The following SH3YL1 variants were observed in gnomAD, a reference collection of about 807,000 sequenced individuals.
SH3YL1 encodes the protein SH3 domain-containing YSC84-like protein 1.
A neutral mutation model predicts 45.8 loss-of-function variants in SH3YL1; 41 were observed. That is an observed-to-expected ratio of 0.89 (90% CI 0.70 to 1.16). The LOEUF is 1.16. Ranked by LOEUF, SH3YL1 falls within the 50% of genes most tolerant of loss-of-function variation. The pLI is 0.00. For synonymous variants in SH3YL1, 152 were observed against 151.4 expected (o/e 1.00, Z -0.03); for missense variants, 389 against 409.6 (o/e 0.95, Z 0.43).
At chr2:242,683 AAAC>A (rs1668592893) in intron 4 of SH3YL1, 1 of 1,320,268 alleles carries the variant, frequency 7.6e-7, no homozygotes, top group African/African-American at 1.5e-5. Flanking sequence ...TGAATGAATT[AAAC>A]AACCAAATAA....
chr2:257,629 C>T (rs1669400391), intron 1 of SH3YL1, among the ~76,000 whole-genome samples: 3 of 152,210 alleles, frequency 2.0e-5, no homozygotes, highest in Admixed American at 2.0e-4. Flanking sequence ...TTTCTGATTT[C>T]TGTACGTCAC....
intron 4 of SH3YL1, chr2:243,559 G>A (rs1377653262): frequency 4.0e-6 from 6 of 1,491,484 alleles, no homozygotes; most frequent in African/African-American, 1.6e-5. Flanking sequence ...AGCTGTAAAT[G>A]TGTCTATTAA....
chr2:241,941 T>G (rs1002065140), intron 4 of SH3YL1: 1 of 152,142 alleles, frequency 6.6e-6, no homozygotes, highest in Admixed American at 6.5e-5. Flanking sequence ...CAAGTGACTC[T>G]AGAGAGTAAT....
intron 3 of SH3YL1, among the ~76,000 whole-genome samples, chr2:248,611 G>C (rs1205934486): frequency 6.6e-6 from 1 of 152,186 alleles, no homozygotes; most frequent in Non-Finnish European, 1.5e-5. Flanking sequence ...CTGGGGCTCT[G>C]AGAGGAGCCC....
At chr2:219,258 A>C (rs1667479625) in intron 9 of SH3YL1, among the ~76,000 whole-genome samples, 1 of 152,208 alleles carries the variant, frequency 6.6e-6, no homozygotes, top group Admixed American at 6.5e-5. Flanking sequence ...AATACAACTT[A>C]CATTTTTTCT....
At chr2:243,290 C>T (rs186307267) in intron 4 of SH3YL1, among the ~76,000 whole-genome samples, 2 of 152,090 alleles carry the variant, frequency 1.3e-5, no homozygotes, top group African/African-American at 4.8e-5. Context: ...ATAAAAGAAG[C>T]CTTAACCCAT....
Position 249,861 on chromosome 2 carries a change from C to T in SH3YL1, c.113-17G>A, listed in dbSNP as rs984953341. ...TTACGTGAGCTGTTAACGTGGAAAA[C>T]AATGGGAAGGTAAGCATTTTGATCT... On this transcript the variant is annotated splice_polypyrimidine_tract_variant and intron_variant, in intron 2 of 9. Transcript: ENST00000356150. The T allele has an allele frequency of 1.3e-6, 2 of 1,511,510 alleles. No individual in the cohort carries two copies. 93.6% of individuals were successfully genotyped at this position (1,511,510 alleles called of 1,614,324 possible). A position where few individuals can be genotyped will look rare whatever the true frequency, so the allele number is the denominator to read the frequency against.
rs56003661 is a variant in SH3YL1 at position 233,570 on chromosome 2, A to T, written c.405-341T>A. On this transcript the variant is annotated intron_variant, in intron 5 of 9. Transcript: ENST00000356150. ...TTCCTCTCTTAAAACTGGGAAATACATCTCAAGAGTGCTAAAGAATTTGGA... is the reference window on the plus strand; with the variant it reads ...TTCCTCTCTTAAAACTGGGAAATACTTCTCAAGAGTGCTAAAGAATTTGGA... Among the ~76,000 whole-genome samples the T allele has an allele frequency of 5.4e-3, 819 of 152,344 alleles. 6 individuals are homozygous for T. Among genetic ancestry groups the T allele is most frequent in the African/African-American group, 0.019 (785 of 41,562 alleles).
rs2103025520 is a variant in SH3YL1, at chr2:231,077, A to G, written c.648T>C (p.Asn216=). 6.2e-7 allele frequency: 1 copy of G among 1,614,062 alleles called. No homozygotes were observed. The highest frequency in any genetic ancestry group is 2.2e-5 in the East Asian group (1 of 44,868). Residue 216 remains asparagine (N), a synonymous_variant, in exon 7 of 10, where the codon AAT becomes AAC. Transcript: ENST00000356150. The part of the protein sequence containing the change: ...ILDSFTEKYE[N]EGQRINARKA... The stretch of plus-strand genomic sequence containing the variant: ...TTCTTGCATTGATTCGTTGTCCTTC[A>G]TTTTCATACTTTTCAGTAAAGGAAT...
At chr2:230,223 G>C (rs1163713263) in intron 7 of SH3YL1, among the ~76,000 whole-genome samples, 179 bp from the exon 8 acceptor site, 3 of 152,180 alleles carry the variant, frequency 2.0e-5, no homozygotes, top group South Asian at 4.1e-4. Context: ...TGGATGACAA[G>C]ACTCAGATGT....
intron 4 of SH3YL1, among the ~76,000 whole-genome samples, chr2:244,019 CTG>C (rs1668664692): frequency 6.6e-6 from 1 of 152,110 alleles, no homozygotes; most frequent in Admixed American, 6.5e-5. Context: ...ACAGGGAACT[CTG>C]TCTTTCGAAT....
chr2:225,702 A>G (rs1157209381), intron 8 of SH3YL1, among the ~76,000 whole-genome samples: 1 of 152,218 alleles, frequency 6.6e-6, no homozygotes, highest in Admixed American at 6.5e-5. Flanking sequence ...GACGAGATAT[A>G]AGACAAACAA....
chr2:233,432 T>C (rs1668144414), intron 5 of SH3YL1, among the ~76,000 whole-genome samples: 1 of 152,212 alleles, frequency 6.6e-6, no homozygotes, highest in African/African-American at 2.4e-5. Context: ...AGAACATACA[T>C]GAAATTATTA....
rs1426656853 is a variant in SH3YL1 at position 230,836 on chromosome 2, TTA to T, written c.702+185_702+186del. The T allele has an allele frequency of 6.7e-6, 4 of 598,390 alleles. No individual in the cohort carries two copies. In the African/African-American group the frequency reaches 7.4e-5, roughly 11 times the overall value. The allele number at this position is 598,390 out of a possible 1,614,324, so 37.1% of individuals were successfully genotyped here. A position where few individuals can be genotyped will look rare whatever the true frequency, so the allele number is the denominator to read the frequency against. On this transcript the variant is annotated intron_variant, in intron 7 of 9. Coordinates refer to ENST00000356150, the MANE Select transcript of SH3YL1 (RefSeq NM_015677.4). ...GAGAAATGCAATCACAGAGGACAAA[TTA>T]TGTTTTTCCCTGAAATCTGTACAGA...
At chr2:256,894 G>A (rs1383230636) in intron 1 of SH3YL1, among the ~76,000 whole-genome samples, 1 of 152,082 alleles carries the variant, frequency 6.6e-6, no homozygotes, top group Non-Finnish European at 1.5e-5. Flanking sequence ...CACTTGCAAT[G>A]TCCAGTTTTT....
chr2:242,819 A>C, intron 4 of SH3YL1: 1 of 1,534,664 alleles, frequency 6.5e-7, no homozygotes, highest in Non-Finnish European at 8.8e-7. Context: ...CAGTAAAAGG[A>C]TGGAGAAAGA....
chr2:236,319 C>T (rs1288638573), intron 4 of SH3YL1, among the ~76,000 whole-genome samples: 1 of 152,096 alleles, frequency 6.6e-6, no homozygotes, highest in East Asian at 1.9e-4. Context: ...AGCTCCGCTT[C>T]TCGAGAGCTG....
At chr2:236,406 C>A (rs913591217) in intron 4 of SH3YL1, among the ~76,000 whole-genome samples, 2 of 152,126 alleles carry the variant, frequency 1.3e-5, no homozygotes, top group Non-Finnish European at 2.9e-5. Context: ...AGGACCTACA[C>A]CTCATGGAAC....
rs1205613079 is a variant in SH3YL1 at position 260,731 on chromosome 2, T to A, written c.1+3253A>T. 3.9e-5 allele frequency: 6 copies of A among 152,260 alleles called. No individual in the cohort carries two copies. The East Asian group carries it at 1.2e-3, about 29-fold the overall frequency. The allele number at this position is 152,260 out of a possible 1,614,324, so 9.4% of individuals were successfully genotyped here. ...TTAAAGCAATTTAGACTAGATTTTC[T>A]GATACATGCAACTGAAGCACTGTAA... On this transcript the variant is annotated intron_variant, in intron 1 of 9. Coordinates refer to ENST00000356150, the MANE Select transcript of SH3YL1 (RefSeq NM_015677.4).
Sources: allele counts gnomAD v4.1 joint callset (sites outside exome capture counted in the v4.1 genomes callset), GRCh38; gene constraint gnomAD v4.1.1; transcripts MANE v1.5; gene names NCBI Gene and HGNC (gene_info 2026-07-23, HGNC 2026-07-21).